ASPH: variants seen among roughly 807,000 people sequenced by gnomAD.
ASPH encodes aspartyl/asparaginyl beta-hydroxylase.
In ASPH, 100 loss-of-function variants were observed where a neutral mutation model predicts 118.4. The observed-to-expected ratio is 0.84, with a 90% confidence interval of 0.72 to 1.00. The LOEUF (loss-of-function observed/expected upper bound fraction) is 1.00, where lower values mean the gene tolerates loss of function less well. Ranked by LOEUF, ASPH falls within the 50% of genes least tolerant of loss-of-function variation. The pLI is 0.00. For missense variants in ASPH, 920 were observed against 919.5 expected, an observed-to-expected ratio of 1.00 and a Z score of -0.01; for synonymous variants, 315 against 325.6, an observed-to-expected ratio of 0.97 and a Z score of 0.35.
At chr8:61,619,433 C>T (rs1283156866) in intron 13 of ASPH, among the ~76,000 whole-genome samples, 1 of 152,168 alleles carries the variant, frequency 6.6e-6, no homozygotes, top group African/African-American at 2.4e-5. Context: ...ACATCATGTG[C>T]TTTAAAGGAA....
At chr8:61,594,906 G>A (rs1031019894) in intron 14 of ASPH, among the ~76,000 whole-genome samples, 5 of 152,160 alleles carry the variant, frequency 3.3e-5, no homozygotes, top group African/African-American at 1.2e-4. Context: ...TTAATCCTAT[G>A]TCTGAACTAT....
chr8:61,658,068 A>G (rs985806278), intron 3 of ASPH: 11 of 152,208 alleles, frequency 7.2e-5, no homozygotes, highest in Non-Finnish European at 1.3e-4. Flanking sequence ...GCTCATAGGT[A>G]TATGAAATTT....
intron 5 of ASPH, among the ~76,000 whole-genome samples, chr8:61,650,326 G>T (rs544373899): frequency 1.3e-5 from 2 of 152,226 alleles, no homozygotes; most frequent in East Asian, 3.9e-4. Context: ...GGCATTGTTT[G>T]TTTTTAAGAA....
chr8:61,549,179 A>G (rs1038152836), intron 20 of ASPH, among the ~76,000 whole-genome samples: 1 of 152,250 alleles, frequency 6.6e-6, no homozygotes, highest in African/African-American at 2.4e-5. Context: ...TTCTTTGTAA[A>G]TCACCAGATA....
At chr8:61,685,791 ATT>A (rs778617779) in intron 1 of ASPH, among the ~76,000 whole-genome samples, 3 of 144,352 alleles carry the variant, frequency 2.1e-5, no homozygotes, top group Non-Finnish European at 1.5e-5. Context: ...ATGTAGATAA[ATT>A]TTTTTTTTTT....
rs1393702568 is a variant in ASPH at position 61,501,986 on chromosome 8, G to A, written c.*1373C>T. The A allele has an allele frequency of 6.6e-6, 1 of 152,156 alleles. No homozygotes were observed. The highest frequency in any genetic ancestry group is 6.6e-5 in the Admixed American group (1 of 15,260). 9.4% of individuals were successfully genotyped at this position (152,156 alleles called of 1,614,324 possible). On this transcript the variant is annotated 3_prime_UTR_variant, in exon 25 of 25. Transcript: ENST00000379454. ...CATATTGGCTTAGAATTCAGTGCAT[G>A]AATATCATTACATTCTTATATCTAA...
intron 20 of ASPH, among the ~76,000 whole-genome samples, chr8:61,551,819 A>G (rs192476661): frequency 6.6e-6 from 1 of 152,356 alleles, no homozygotes; most frequent in African/African-American, 2.4e-5. Flanking sequence ...ATCTAAAAGA[A>G]AAATGCGATG....
intron 1 of ASPH, among the ~76,000 whole-genome samples, chr8:61,701,265 C>A (rs1015792127): frequency 3.9e-5 from 6 of 152,188 alleles, no homozygotes; most frequent in Middle Eastern, 3.2e-3. Context: ...TGGTGAAGGA[C>A]CAGCTGAGCA....
At chr8:61,617,127 G>A (rs1368284467) in intron 14 of ASPH, among the ~76,000 whole-genome samples, 2 of 152,180 alleles carry the variant, frequency 1.3e-5, no homozygotes, top group Non-Finnish European at 2.9e-5. Context: ...CAGGCTGTGA[G>A]TAAATTTGGC....
At chr8:61,640,316 G>A (rs1019565165) in intron 10 of ASPH, among the ~76,000 whole-genome samples, 4 of 152,172 alleles carry the variant, frequency 2.6e-5, no homozygotes, top group East Asian at 1.9e-4. Context: ...ATGCCAGACC[G>A]ATCAATCTTT....
chr8:61,710,377 T>G (rs945369508), intron 1 of ASPH, among the ~76,000 whole-genome samples: 1 of 152,222 alleles, frequency 6.6e-6, no homozygotes, highest in Admixed American at 6.5e-5. Context: ...GGATAGACCC[T>G]ATGAGCCTTT....
chr8:61,662,806 T>G, intron 3 of ASPH: 2 of 974,344 alleles, frequency 2.1e-6, no homozygotes, highest in Non-Finnish European at 2.4e-6. Context: ...GAAAAATCAA[T>G]GAGATAGCCA....
At chr8:61,562,358 CAA>C (rs66585881) in intron 18 of ASPH, among the ~76,000 whole-genome samples, 13,123 of 111,260 alleles carry the variant, frequency 0.12, 2,025 homozygotes, top group African/African-American at 0.34. Flanking sequence ...ATACTTCTGC[CAA>C]AAAAAAAAAA....
chr8:61,532,077 T>C (rs1817791019), intron 21 of ASPH, among the ~76,000 whole-genome samples: 1 of 152,196 alleles, frequency 6.6e-6, no homozygotes. Flanking sequence ...TTGAATTGTA[T>C]AATAATTCTA....
At chr8:61,681,622 T>C (rs1192399013) in intron 2 of ASPH, among the ~76,000 whole-genome samples, 1 of 151,746 alleles carries the variant, frequency 6.6e-6, no homozygotes. Context: ...ATTCTGGAAA[T>C]AAAGTATATA....
chr8:61,605,496 T>C (rs1435790034), intron 14 of ASPH, among the ~76,000 whole-genome samples: 1 of 152,126 alleles, frequency 6.6e-6, no homozygotes, highest in Non-Finnish European at 1.5e-5. Flanking sequence ...CAAGATGAAA[T>C]AGCAAATAAG....
intron 20 of ASPH, among the ~76,000 whole-genome samples, chr8:61,550,055 T>C (rs1825353218): frequency 6.6e-6 from 1 of 152,166 alleles, no homozygotes. Context: ...TCTCCTGTCA[T>C]ATAAATTTTA....
intron 21 of ASPH, among the ~76,000 whole-genome samples, chr8:61,532,614 C>A (rs1270019073): frequency 2.6e-5 from 4 of 152,224 alleles, no homozygotes; most frequent in African/African-American, 9.6e-5. Context: ...AGAGGAATGT[C>A]TTTTTATAAT....
intron 24 of ASPH, among the ~76,000 whole-genome samples, chr8:61,508,676 T>C (rs1294785823): frequency 6.6e-6 from 1 of 152,224 alleles, no homozygotes; most frequent in Non-Finnish European, 1.5e-5. Flanking sequence ...CAGGTTCAGA[T>C]GTCTGCAGTG....
Sources: gnomAD v4.1 joint callset for allele counts (sites outside exome capture counted in the v4.1 genomes callset) on GRCh38, gnomAD v4.1.1 for gene constraint, MANE v1.5 for transcripts, NCBI Gene and HGNC (gene_info 2026-07-23, HGNC 2026-07-21) for gene names.